TEX15: variants seen among roughly 807,000 people sequenced by gnomAD.
TEX15 encodes testis expressed 15, meiosis and synapsis associated, also known as testis-expressed protein 15.
Under a neutral mutation model 237.3 loss-of-function variants are expected in TEX15, and 171 were observed. That is an observed-to-expected ratio of 0.72 (90% CI 0.64 to 0.82). The LOEUF is 0.82. Ranked by LOEUF, TEX15 falls within the 40% of genes least tolerant of loss-of-function variation. TEX15 has a pLI of 0.00. For synonymous variants in TEX15, 1,338 were observed against 1,269.8 expected (o/e 1.05, Z -1.14); for missense variants, 3,750 against 3,646.5 (o/e 1.03, Z -0.73).
rs1184358891 is a variant in TEX15 at position 30,888,494 on chromosome 8, C to T, written c.-9-1183G>A. 8.0e-6 allele frequency: 4 copies of T among 500,900 alleles called. No individual in the cohort carries two copies. The East Asian group carries it at 2.9e-4, about 36-fold the overall frequency. The allele number at this position is 500,900 out of a possible 1,614,324, so 31.0% of individuals were successfully genotyped here. On this transcript the variant is annotated intron_variant, in intron 2 of 10. Transcript: ENST00000643185. ...CTTCCTTTTTCCCTCTCCTTTCTCTCTCTCCCCAAACTCCCCTGCAACCTC... is the reference window on the plus strand; with the variant it reads ...CTTCCTTTTTCCCTCTCCTTTCTCTTTCTCCCCAAACTCCCCTGCAACCTC...
At chr8:30,856,654 C>A (rs778656681) in intron 7 of TEX15, among the ~76,000 whole-genome samples, 4 of 152,032 alleles carry the variant, frequency 2.6e-5, no homozygotes, top group Non-Finnish European at 4.4e-5. Flanking sequence ...ACTTTTAAAT[C>A]AACTGAATTG....
intron 1 of TEX15, among the ~76,000 whole-genome samples, chr8:30,908,473 CA>C (rs1809154503): frequency 1.3e-5 from 2 of 152,140 alleles, no homozygotes. Flanking sequence ...ACATACAATT[CA>C]TTTTTTTTGC....
In TEX15 at chr8:30,859,910, C is replaced by T. The variant is rs1432436419; in HGVS notation, c.687+1G>A. 1.4e-6 allele frequency: 2 copies of T among 1,472,372 alleles called. No individual in the cohort carries two copies. The highest frequency in any genetic ancestry group is 1.8e-6 in the Non-Finnish European group (2 of 1,121,928). The allele number at this position is 1,472,372 out of a possible 1,614,324, so 91.2% of individuals were successfully genotyped here. On this transcript the variant is annotated splice_donor_variant, in intron 6 of 10. Transcript: ENST00000643185. LOFTEE classifies it high-confidence loss of function. The stretch of plus-strand genomic sequence containing the variant: ...AGAAATCAAATGAACCATTAACATA[C>T]TGCTGAACTGTAGGCTTGCAGTTCA...
intron 5 of TEX15, among the ~76,000 whole-genome samples, chr8:30,860,393 T>G (rs760223218): frequency 6.7e-6 from 1 of 150,354 alleles, no homozygotes; most frequent in African/African-American, 2.4e-5. Flanking sequence ...ATTATAGGCA[T>G]GAGCCACCGT....
rs779634798 is a variant in TEX15 at position 30,844,699 on chromosome 8, T to C, written c.5468A>G (p.Asp1823Gly). The change falls in exon 8 of 11, where the codon GAT (aspartate) becomes GGT (glycine). Residue 1823 changes from aspartate to glycine, a missense_variant. Transcript: ENST00000643185. Reference sequence around the variant, plus strand: ...TTCTGAAGAGGAGCCTTTTACATTATCTTTTAAAAGCAGAGAACTATCACT... The same window carrying C: ...TTCTGAAGAGGAGCCTTTTACATTACCTTTTAAAAGCAGAGAACTATCACT... Reference protein sequence around the residue: ...SSSDSSLLLKDNVKGSSSETC... With the variant: ...SSSDSSLLLKGNVKGSSSETC... 7 of 1,613,168 alleles carry C rather than the reference T, an allele frequency of 4.3e-6. No individual in the cohort carries two copies. The highest frequency in any genetic ancestry group is 5.1e-6 in the Non-Finnish European group (6 of 1,179,608).
intron 2 of TEX15, among the ~76,000 whole-genome samples, chr8:30,896,594 G>T (rs1430433235): frequency 6.6e-6 from 1 of 151,058 alleles, no homozygotes; most frequent in Non-Finnish European, 1.5e-5. Context: ...CCCCCATTCT[G>T]TTGATATTTG....
Position 30,844,429 on chromosome 8 carries a change from T to G in TEX15, c.5738A>C (p.Asn1913Thr), listed in dbSNP as rs750485440. The change falls in exon 8 of 11, where the codon AAC becomes ACC. Residue 1913 changes from asparagine (N) to threonine (T), a missense_variant. Transcript: ENST00000643185. ...TTTGTTAAGCGGATTAGAAACTGTGTTCTTCAAAGGGACTGACTCAGTGGT... is the reference window on the plus strand; with the variant it reads ...TTTGTTAAGCGGATTAGAAACTGTGGTCTTCAAAGGGACTGACTCAGTGGT... ...NTTTESVPLK[N>T]TVSNPLNKRE... 6.2e-7 allele frequency: 1 copy of G among 1,612,198 alleles called. No individual in the cohort carries two copies. The highest frequency in any genetic ancestry group is 1.1e-5 in the South Asian group (1 of 90,678).
At chr8:30,894,212 G>A (rs948457169) in intron 2 of TEX15, among the ~76,000 whole-genome samples, 5 of 151,892 alleles carry the variant, frequency 3.3e-5, no homozygotes, top group African/African-American at 7.3e-5. Flanking sequence ...TTCCTGCTAC[G>A]TGGCAGGCTG....
intron 7 of TEX15, among the ~76,000 whole-genome samples, chr8:30,858,126 A>T (rs1288128119): frequency 1.3e-5 from 2 of 152,240 alleles, no homozygotes. Context: ...GTGTGTCTAC[A>T]CAATGGAATA....
intron 7 of TEX15, among the ~76,000 whole-genome samples, chr8:30,851,331 T>C (rs1807778919): frequency 6.6e-6 from 1 of 152,162 alleles, no homozygotes; most frequent in African/African-American, 2.4e-5. Flanking sequence ...ATTACAAAGA[T>C]TAAGATGGAT....
At chr8:30,895,529 AG>A (rs1317981217) in intron 2 of TEX15, among the ~76,000 whole-genome samples, 1 of 151,870 alleles carries the variant, frequency 6.6e-6, no homozygotes, top group East Asian at 1.9e-4. Flanking sequence ...CTGCCAATTA[AG>A]GCATGAGTAT....
intron 2 of TEX15, among the ~76,000 whole-genome samples, chr8:30,894,768 A>C (rs1808862038): frequency 6.6e-6 from 1 of 152,234 alleles, no homozygotes; most frequent in South Asian, 2.1e-4. Flanking sequence ...GAAAACAAAA[A>C]ACATAAAGAA....
At chr8:30,865,618 A>G (rs535500832) in intron 5 of TEX15, among the ~76,000 whole-genome samples, 1 of 152,320 alleles carries the variant, frequency 6.6e-6, no homozygotes, top group African/African-American at 2.4e-5. Flanking sequence ...AGTGGGATTC[A>G]TACCAGCGAT....
At chr8:30,887,555 T>C (rs1233960605) in intron 2 of TEX15, 1 of 285,760 alleles carries the variant, frequency 3.5e-6, no homozygotes, top group East Asian at 7.5e-5. Context: ...TCCCAGCACT[T>C]TGAGAGGCTG....
rs373040745 is a variant in TEX15 at position 30,860,200 on chromosome 8, A to G, written c.541-143T>C. Reference sequence around the variant, plus strand: ...TCTGTTCAGTCCAGGCTGGAGTTGCAGGCTCGACCTCTCAGGCTGAAGCGA... The same window carrying G: ...TCTGTTCAGTCCAGGCTGGAGTTGCGGGCTCGACCTCTCAGGCTGAAGCGA... On this transcript the variant is annotated intron_variant, in intron 5 of 10. Transcript: ENST00000643185. The G allele has an allele frequency of 1.4e-4, 91 of 644,622 alleles. No individual in the cohort carries two copies. The South Asian group carries it at 3.1e-3, about 22-fold the overall frequency. 39.9% of individuals were successfully genotyped at this position (644,622 alleles called of 1,614,324 possible). A position where few individuals can be genotyped will look rare whatever the true frequency, so the allele number is the denominator to read the frequency against.
chr8:30,845,907 G>A lies in TEX15; in HGVS notation c.4260C>T (p.Cys1420=). Residue 1420 remains cysteine (C), a synonymous_variant, in exon 8 of 11, where the codon TGC becomes TGT. Transcript: ENST00000643185. ...GPLPKSYAII[C]NNFWESCDLQ... ...GGTCACAACTTTCCCAGAAATTATTGCATATTATTGCATATGATTTTGGTA... is the reference window on the plus strand; with the variant it reads ...GGTCACAACTTTCCCAGAAATTATTACATATTATTGCATATGATTTTGGTA... 1 of 1,613,148 alleles carries A rather than the reference G, an allele frequency of 6.2e-7. No homozygotes were observed. The highest frequency in any genetic ancestry group is 8.5e-7 in the Non-Finnish European group (1 of 1,179,542).
intron 3 of TEX15, among the ~76,000 whole-genome samples, chr8:30,880,670 A>C (rs1808501063): frequency 6.6e-6 from 1 of 152,188 alleles, no homozygotes; most frequent in African/African-American, 2.4e-5. Flanking sequence ...TACGTACATA[A>C]AATTATGTGT....
intron 7 of TEX15, among the ~76,000 whole-genome samples, chr8:30,858,374 T>C (rs1274602171): frequency 6.6e-6 from 1 of 151,804 alleles, no homozygotes; most frequent in Non-Finnish European, 1.5e-5. Flanking sequence ...CGCAGTGGTG[T>C]GATCCTGACT....
chr8:30,837,807 C>A lies in TEX15; in HGVS notation c.8477G>T (p.Ser2826Ile). 16 of 1,614,166 alleles carry A rather than the reference C, an allele frequency of 9.9e-6. No individual in the cohort carries two copies. The highest frequency in any genetic ancestry group is 1.4e-5 in the Non-Finnish European group (16 of 1,180,028). Residue 2826 changes from serine to isoleucine, a missense_variant, in exon 10 of 11, where the codon AGT becomes ATT. Coordinates refer to ENST00000643185, the MANE Select transcript of TEX15 (RefSeq NM_001350162.2). ...NSMKKRNVNF[S>I]AAETKSDKKD... Reference sequence around the variant, plus strand: ...CTTATCACTTTTTGTTTCAGCAGCACTGAAGTTCACATTTCTTTTCTTCAT... The same window carrying A: ...CTTATCACTTTTTGTTTCAGCAGCAATGAAGTTCACATTTCTTTTCTTCAT...
Sources: gnomAD v4.1 joint callset for allele counts (sites outside exome capture counted in the v4.1 genomes callset) on GRCh38, gnomAD v4.1.1 for gene constraint, MANE v1.5 for transcripts, NCBI Gene and HGNC (gene_info 2026-07-23, HGNC 2026-07-21) for gene names.